HECW1: variants seen among roughly 807,000 people sequenced by gnomAD.
The protein encoded by HECW1 is E3 ubiquitin-protein ligase HECW1.
In HECW1, 61 loss-of-function variants were observed where a neutral mutation model predicts 182.3. The ratio of observed to expected loss-of-function variants is 0.33; its 90% CI spans 0.27 to 0.41. The LOEUF is 0.41. Ranked by LOEUF, HECW1 falls within the 10% of genes least tolerant of loss-of-function variation. HECW1 has a pLI of 1.00. For synonymous variants in HECW1, 859 were observed against 832.6 expected, an observed-to-expected ratio of 1.03 and a Z score of -0.55; for missense variants, 1,739 against 2,108.9, an observed-to-expected ratio of 0.82 and a Z score of 3.44.
At chr7:43,393,874 C>A (rs191400811) in intron 6 of HECW1, among the ~76,000 whole-genome samples, 1 of 152,188 alleles carries the variant, frequency 6.6e-6, no homozygotes, top group African/African-American at 2.4e-5. Flanking sequence ...GCATGAAATA[C>A]GCCATTTAAT....
At chr7:43,547,170 A>G (rs2081597161) in intron 26 of HECW1, among the ~76,000 whole-genome samples, 1 of 152,212 alleles carries the variant, frequency 6.6e-6, no homozygotes, top group Admixed American at 6.5e-5. Context: ...TTGAGTTATC[A>G]TATAATGACT....
chr7:43,425,483 C>T (rs529763693), intron 8 of HECW1, among the ~76,000 whole-genome samples: 83 of 152,226 alleles, frequency 5.5e-4, no homozygotes, highest in Admixed American at 1.8e-3. Context: ...GTTTCTTGCC[C>T]CAGCCTCCTG....
At chr7:43,504,028 T>G (rs756348070) in intron 21 of HECW1, among the ~76,000 whole-genome samples, 21 of 152,134 alleles carry the variant, frequency 1.4e-4, no homozygotes, top group Non-Finnish European at 2.5e-4. Context: ...AACGCTTCCT[T>G]GCTTTTATCA....
chr7:43,488,348 AAGG>A, intron 17 of HECW1, among the ~76,000 whole-genome samples: 1 of 93,236 alleles, frequency 1.1e-5, no homozygotes, highest in Non-Finnish European at 2.1e-5. Context: ...GGAAGGAAGG[AAGG>A]AAGGAAGGAA....
intron 3 of HECW1, among the ~76,000 whole-genome samples, chr7:43,268,313 A>G (rs536117880): frequency 5.1e-4 from 77 of 152,338 alleles, no homozygotes; most frequent in African/African-American, 1.8e-3. Flanking sequence ...ATCCTTACAC[A>G]TGGCTCAGTG....
At position 43,320,714 on chromosome 7, in the gene HECW1, G is replaced by A; in HGVS notation, c.432G>A (p.Lys144=). ...CTCATCGGGGCCAGATCATCTGGAA[G>A]ATCGATGCCAGCTCGTACTTTGTGG... ...NGSHRGQIIW[K]IDASSYFVEP... Residue 144 remains lysine, a synonymous_variant, in exon 5 of 30, where the codon AAG becomes AAA. Coordinates refer to ENST00000395891, the MANE Select transcript of HECW1 (RefSeq NM_015052.5). 1 of 1,614,114 alleles carries A rather than the reference G, an allele frequency of 6.2e-7. No homozygotes were observed. The highest frequency in any genetic ancestry group is 8.5e-7 in the Non-Finnish European group (1 of 1,179,932).
At chr7:43,547,369 A>G (rs753988163) in intron 26 of HECW1, among the ~76,000 whole-genome samples, 13 of 152,090 alleles carry the variant, frequency 8.5e-5, no homozygotes, top group Non-Finnish European at 1.3e-4. Flanking sequence ...CAACATAGTG[A>G]AACCCCATCT....
intron 8 of HECW1, among the ~76,000 whole-genome samples, chr7:43,415,163 G>A (rs201188734): frequency 7.4e-5 from 11 of 149,280 alleles, no homozygotes; most frequent in African/African-American, 1.2e-4. Context: ...GCAGCGGCTG[G>A]TACCGGTTGT....
chr7:43,452,147 T>C (rs2077256122), intron 12 of HECW1, among the ~76,000 whole-genome samples: 2 of 152,226 alleles, frequency 1.3e-5, no homozygotes, highest in Non-Finnish European at 2.9e-5. Flanking sequence ...CTTTATACAC[T>C]GATTTATGGA....
At chr7:43,336,124 T>TTCTCTCTCTCTCTCTTTCTC (rs1812185822) in intron 5 of HECW1, among the ~76,000 whole-genome samples, 1 of 64,248 alleles carries the variant, frequency 1.6e-5, no homozygotes, top group Non-Finnish European at 3.0e-5. Flanking sequence ...CTTTCTTTCT[T>TTCTCTCTCTCTCTCTTTCTC]TCTCTCTCTC....
chr7:43,490,118 T>G (rs1053367797), intron 17 of HECW1, among the ~76,000 whole-genome samples: 7 of 152,216 alleles, frequency 4.6e-5, no homozygotes, highest in African/African-American at 1.7e-4. Flanking sequence ...CCACCTCACT[T>G]GGGACATGAA....
intron 24 of HECW1, among the ~76,000 whole-genome samples, chr7:43,534,270 A>G (rs754069765): frequency 3.9e-5 from 6 of 152,308 alleles, no homozygotes; most frequent in Non-Finnish European, 8.8e-5. Flanking sequence ...TGGCCTGTAA[A>G]TAAGAGATTC....
At chr7:43,481,212 G>A (rs10229477) in intron 17 of HECW1, among the ~76,000 whole-genome samples, 52,923 of 152,070 alleles carry the variant, frequency 0.35, 10,633 homozygotes, top group South Asian at 0.51. Context: ...TTCAACATGC[G>A]TAGTCTCCCT....
Position 43,452,798 on chromosome 7 carries a change from G to A in HECW1, c.2500+1869G>A, listed in dbSNP as rs138169674. ...TTTGCAGTTTTAAAACAAGTGGTGA[G>A]AATAGGCTTCATTGAGAAGACAACA... On this transcript the variant is annotated intron_variant, in intron 12 of 29. Coordinates refer to ENST00000395891, the MANE Select transcript of HECW1 (RefSeq NM_015052.5). Among the ~76,000 whole-genome samples the A allele has an allele frequency of 3.5e-3, 526 of 152,304 alleles. 1 individual carries two copies. Among genetic ancestry groups the A allele is most frequent in the South Asian group, 6.6e-3 (32 of 4,830 alleles).
chr7:43,335,923 CCTTT>C lies in HECW1; in HGVS notation c.460+15190_460+15193del, dbSNP rs1160076053. ...TTTCTGTCTTTATCTCTTTCTCTCT[CCTTT>C]CTTTCTTTTTCTTTCTTTCTTTCTC... On this transcript the variant is annotated intron_variant, in intron 5 of 29. Transcript: ENST00000395891. Among the ~76,000 whole-genome samples the C allele has an allele frequency of 2.5e-3, 368 of 150,156 alleles. 1 individual carries two copies. The highest frequency in any genetic ancestry group is 8.1e-3 in the African/African-American group (332 of 40,862).
chr7:43,565,487 A>G lies in HECW1; in HGVS notation c.*3561A>G. On this transcript the variant is annotated 3_prime_UTR_variant, in exon 30 of 30. Transcript: ENST00000395891. ...GTTCGGAAATTTCTCAGTTGCCACA[A>G]ATATTTTCCCAGTCAAGATGAAACA... 5.3e-6 allele frequency: 1 copy of G among 187,778 alleles called. No individual in the cohort carries two copies. 11.6% of individuals were successfully genotyped at this position (187,778 alleles called of 1,614,324 possible). A position where few individuals can be genotyped will look rare whatever the true frequency, so the allele number is the denominator to read the frequency against.
chr7:43,329,987 G>A (rs985888468), intron 5 of HECW1, among the ~76,000 whole-genome samples: 3 of 152,172 alleles, frequency 2.0e-5, no homozygotes, highest in African/African-American at 7.2e-5. Flanking sequence ...CAGACTGTGA[G>A]AAGAGGAGAG....
chr7:43,501,149 T>C, intron 20 of HECW1, 64 bp from the exon 21 acceptor site: 1 of 936,050 alleles, frequency 1.1e-6, no homozygotes, highest in Non-Finnish European at 1.6e-6. Context: ...CGTGAACACT[T>C]TCTCAGGGAT....
chr7:43,329,103 G>A (rs1189636164), intron 5 of HECW1, among the ~76,000 whole-genome samples: 1 of 152,034 alleles, frequency 6.6e-6, no homozygotes, highest in Non-Finnish European at 1.5e-5. Flanking sequence ...GCCTGACCTT[G>A]GGGCAAAGAC....
Sources: gnomAD v4.1 joint callset for allele counts (sites outside exome capture counted in the v4.1 genomes callset) on GRCh38, gnomAD v4.1.1 for gene constraint, MANE v1.5 for transcripts, NCBI Gene and HGNC (gene_info 2026-07-23, HGNC 2026-07-21) for gene names.